Variants in ADAM18 observed in about 807,000 individuals in gnomAD.
ADAM18 encodes the protein ADAM metallopeptidase domain 18.
A neutral mutation model predicts 94.4 loss-of-function variants in ADAM18; 117 were observed. That is an observed-to-expected ratio of 1.24 (90% CI 1.07 to 1.45). ADAM18 has a LOEUF of 1.45. Ranked by LOEUF, ADAM18 falls within the 40% of genes most tolerant of loss-of-function variation. The pLI is 0.00. For synonymous variants in ADAM18, 327 were observed against 291.6 expected (o/e 1.12, Z -1.24); for missense variants, 936 against 880.0 (o/e 1.06, Z -0.81).
intron 7 of ADAM18, among the ~76,000 whole-genome samples, chr8:39,637,017 TTTTATA>T (rs57330785): frequency 0.21 from 17,440 of 84,696 alleles, 1,373 homozygotes; most frequent in Middle Eastern, 0.22. Flanking sequence ...CATGTGTGTA[TTTTATA>T]TATATATATA....
At chr8:39,622,028 C>T (rs1819629709) in intron 6 of ADAM18, among the ~76,000 whole-genome samples, 1 of 152,114 alleles carries the variant, frequency 6.6e-6, no homozygotes, top group Non-Finnish European at 1.5e-5. Context: ...CACCATGGCA[C>T]ATGTTTACCT....
intron 16 of ADAM18, among the ~76,000 whole-genome samples, chr8:39,691,629 C>T (rs1173816786): frequency 6.6e-6 from 1 of 152,002 alleles, no homozygotes; most frequent in Non-Finnish European, 1.5e-5. Flanking sequence ...TACATACACA[C>T]AACAGAATCA....
At chr8:39,616,324 C>T (rs1023545758) in intron 6 of ADAM18, among the ~76,000 whole-genome samples, 1 of 152,128 alleles carries the variant, frequency 6.6e-6, no homozygotes, top group Non-Finnish European at 1.5e-5. Flanking sequence ...GCAGGAGAAT[C>T]ACTTGAACCC....
chr8:39,662,781 C>G (rs36014330), intron 12 of ADAM18, among the ~76,000 whole-genome samples: 2 of 151,930 alleles, frequency 1.3e-5, no homozygotes, highest in Non-Finnish European at 2.9e-5. Flanking sequence ...CACACCACCA[C>G]GCCTGGCTAA....
intron 7 of ADAM18, among the ~76,000 whole-genome samples, chr8:39,630,995 TCATACCATTG>T (rs1819916388): frequency 6.6e-6 from 1 of 151,998 alleles, no homozygotes; most frequent in Admixed American, 6.6e-5. Flanking sequence ...GAGCATATTT[TCATACCATTG>T]TTTACTATTT....
chr8:39,662,174 T>G (rs1820858471), intron 12 of ADAM18, among the ~76,000 whole-genome samples: 1 of 152,056 alleles, frequency 6.6e-6, no homozygotes, highest in Admixed American at 6.5e-5. Flanking sequence ...ATTAAAATGA[T>G]TGGTCATAAT....
At chr8:39,655,975 A>G (rs924061628) in intron 12 of ADAM18, among the ~76,000 whole-genome samples, 3 of 152,078 alleles carry the variant, frequency 2.0e-5, no homozygotes, top group Non-Finnish European at 4.4e-5. Context: ...AAATTATGGG[A>G]CTACTTAATC....
chr8:39,637,381 T>C, intron 8 of ADAM18, 46 bp downstream of exon 8: 1 of 1,553,336 alleles, frequency 6.4e-7, no homozygotes, highest in Non-Finnish European at 8.8e-7. Context: ...AAAGTTTCTT[T>C]AATATAATTT....
intron 12 of ADAM18, among the ~76,000 whole-genome samples, chr8:39,658,130 G>A (rs949636900): frequency 4.6e-4 from 70 of 152,128 alleles, no homozygotes; most frequent in African/African-American, 1.7e-3. Context: ...TATTAACTGA[G>A]TGAAATGAAA....
intron 2 of ADAM18, among the ~76,000 whole-genome samples, chr8:39,588,399 A>G (rs913399476): frequency 6.6e-6 from 1 of 151,972 alleles, no homozygotes; most frequent in African/African-American, 2.4e-5. Context: ...TCCTTTGCCC[A>G]TTGTTTAATC....
chr8:39,691,919 A>G (rs1276019967), intron 16 of ADAM18, among the ~76,000 whole-genome samples: 3 of 149,646 alleles, frequency 2.0e-5, no homozygotes, highest in African/African-American at 7.6e-5. Flanking sequence ...GAAGTAATTA[A>G]AAAGCTAATT....
chr8:39,585,072 T>C (rs534357618), intron 1 of ADAM18, among the ~76,000 whole-genome samples: 1 of 152,308 alleles, frequency 6.6e-6, no homozygotes, highest in Admixed American at 6.5e-5. Context: ...CTAATTTTTT[T>C]TTCTTTTTTT....
intron 12 of ADAM18, among the ~76,000 whole-genome samples, chr8:39,651,747 C>A (rs1259570131): frequency 5.3e-5 from 8 of 152,166 alleles, no homozygotes; most frequent in Admixed American, 5.2e-4. Context: ...TCTGGTCTTT[C>A]TTTTCCCCAC....
chr8:39,625,956 C>G (rs1431289166), intron 6 of ADAM18, among the ~76,000 whole-genome samples: 1 of 151,952 alleles, frequency 6.6e-6, no homozygotes, highest in Non-Finnish European at 1.5e-5. Flanking sequence ...TGCGTCTGTG[C>G]TCTCAATACT....
chr8:39,686,027 A>G (rs1468575586), intron 16 of ADAM18, among the ~76,000 whole-genome samples: 5 of 152,174 alleles, frequency 3.3e-5, no homozygotes, highest in Admixed American at 2.0e-4. Context: ...ACAACCAGCT[A>G]GGTAACCTGT....
At chr8:39,586,683 T>C (rs779280388) in intron 2 of ADAM18, among the ~76,000 whole-genome samples, 2 of 152,168 alleles carry the variant, frequency 1.3e-5, no homozygotes, top group Non-Finnish European at 2.9e-5. Context: ...GCTGTGATTG[T>C]GTCACTGTAC....
chr8:39,675,429 G>C (rs755439030), intron 14 of ADAM18, among the ~76,000 whole-genome samples: 1 of 152,106 alleles, frequency 6.6e-6, no homozygotes, highest in Non-Finnish European at 1.5e-5. Flanking sequence ...ATTGATGTTT[G>C]TGCATGCCTC....
At chr8:39,598,584 A>G (rs1390192031) in intron 2 of ADAM18, among the ~76,000 whole-genome samples, 4 of 151,978 alleles carry the variant, frequency 2.6e-5, no homozygotes, top group African/African-American at 7.2e-5. Context: ...CCTGGCCAAC[A>G]TGGCAAAACC....
intron 6 of ADAM18, among the ~76,000 whole-genome samples, chr8:39,613,402 CAA>C (rs1156911157): frequency 3.9e-5 from 6 of 152,180 alleles, no homozygotes; most frequent in Non-Finnish European, 5.9e-5. Flanking sequence ...CATCCAGAAA[CAA>C]AGTCGGTTGA....
Sources: allele counts gnomAD v4.1 joint callset (sites outside exome capture counted in the v4.1 genomes callset), GRCh38; gene constraint gnomAD v4.1.1; transcripts MANE v1.5; gene names NCBI Gene and HGNC (gene_info 2026-07-23, HGNC 2026-07-21).